The following DPYS variants were observed in gnomAD, a reference collection of about 807,000 sequenced individuals.
DPYS encodes dihydropyrimidine amidohydrolase.
A neutral mutation model predicts 50.3 loss-of-function variants in DPYS; 39 were observed. The observed-to-expected ratio is 0.78, with a 90% CI of 0.60 to 1.01. The LOEUF (loss-of-function observed/expected upper bound fraction) is 1.01, where lower values mean the gene tolerates loss of function less well. DPYS is among the 50% of genes least tolerant of loss of function. The pLI, the probability that DPYS is intolerant of heterozygous loss-of-function variation, is 0.00. For missense variants in DPYS, 659 were observed against 680.9 expected (o/e 0.97, Z 0.36); for synonymous variants, 245 against 250.7 (o/e 0.98, Z 0.22).
At position 104,444,262 on chromosome 8, in the gene DPYS, T is replaced by G. The variant is rs747270672; in HGVS notation, c.779A>C (p.Asp260Ala). 1 of 1,614,224 alleles carries G rather than the reference T, an allele frequency of 6.2e-7. No individual in the cohort carries two copies. Among genetic ancestry groups the G allele is most frequent in the Non-Finnish European group, 8.5e-7 (1 of 1,180,044 alleles). ...MSKSAAKVIA[D>A]ARRDGKVVYG... Reference sequence around the variant, plus strand: ...TCGAGAATTACCATCTCTCCTTGCATCCGCTATCACCTTAGCTGCAGACTT... The same window carrying G: ...TCGAGAATTACCATCTCTCCTTGCAGCCGCTATCACCTTAGCTGCAGACTT... The change falls in exon 4 of 10, where the codon GAT becomes GCT. Residue 260 changes from aspartate to alanine, a missense_variant. Transcript: ENST00000351513.
At chr8:104,458,896 C>T (rs929172327) in intron 1 of DPYS, among the ~76,000 whole-genome samples, 1 of 152,186 alleles carries the variant, frequency 6.6e-6, no homozygotes, top group Non-Finnish European at 1.5e-5. Flanking sequence ...TTAACAAACA[C>T]AATTTTAGTT....
intron 7 of DPYS, chr8:104,411,896 T>C (rs1301423190): frequency 1.3e-5 from 2 of 152,006 alleles, no homozygotes; most frequent in East Asian, 3.9e-4. Flanking sequence ...TCAGGCAACA[T>C]AACCTCAGCA....
chr8:104,447,975 C>T (rs1813597602), intron 2 of DPYS, among the ~76,000 whole-genome samples: 1 of 152,092 alleles, frequency 6.6e-6, no homozygotes, highest in African/African-American at 2.4e-5. Flanking sequence ...CCCGGGCATG[C>T]CCAAGAAAGC....
Position 104,466,653 on chromosome 8 carries a change from G to A in DPYS, c.264+4C>T. ...GCGGGGCGGGGGCGCGGCGGGGCGG[G>A]TACCTTGGTGCCCTGGTGGAAGTCG... On this transcript the variant is annotated splice_donor_region_variant and intron_variant, in intron 1 of 9. Coordinates refer to ENST00000351513, the MANE Select transcript of DPYS (RefSeq NM_001385.3). 6.6e-7 allele frequency: 1 copy of A among 1,512,520 alleles called. No individual in the cohort carries two copies. The highest frequency in any genetic ancestry group is 8.8e-7 in the Non-Finnish European group (1 of 1,132,504). 93.7% of individuals were successfully genotyped at this position (1,512,520 alleles called of 1,614,324 possible). A position where few individuals can be genotyped will look rare whatever the true frequency, so the allele number is the denominator to read the frequency against.
At chr8:104,456,159 T>C (rs1813916801) in intron 1 of DPYS, among the ~76,000 whole-genome samples, 2 of 152,192 alleles carry the variant, frequency 1.3e-5, no homozygotes, top group African/African-American at 4.8e-5. Context: ...GGCCATAGCA[T>C]ATAGCCTAGG....
chr8:104,406,382 C>T (rs572372559), intron 7 of DPYS, among the ~76,000 whole-genome samples: 1 of 152,270 alleles, frequency 6.6e-6, no homozygotes. Context: ...GACGCAGCAG[C>T]CATTTTGCAC....
At chr8:104,423,146 A>T (rs1369254270) in intron 7 of DPYS, among the ~76,000 whole-genome samples, 7 of 152,210 alleles carry the variant, frequency 4.6e-5, no homozygotes, top group Admixed American at 4.6e-4. Context: ...TGTGAGTAAG[A>T]TGTGTATACC....
intron 8 of DPYS, among the ~76,000 whole-genome samples, chr8:104,385,514 C>T (rs562028738): frequency 1.7e-3 from 263 of 152,262 alleles, no homozygotes; most frequent in Non-Finnish European, 2.9e-3. Flanking sequence ...GATGATCACA[C>T]CTTGACAGCA....
chr8:104,431,439 T>C (rs1032805976), intron 4 of DPYS, among the ~76,000 whole-genome samples: 4 of 151,118 alleles, frequency 2.6e-5, no homozygotes, highest in African/African-American at 7.3e-5. Flanking sequence ...CCCCATCTAG[T>C]ATCTGTTAAT....
intron 1 of DPYS, among the ~76,000 whole-genome samples, chr8:104,463,510 C>T (rs1366559372): frequency 1.3e-5 from 2 of 152,126 alleles, no homozygotes; most frequent in Non-Finnish European, 2.9e-5. Flanking sequence ...ACAGCTTTAG[C>T]GACGGGGTCA....
At chr8:104,458,670 T>C (rs1292161773) in intron 1 of DPYS, among the ~76,000 whole-genome samples, 1 of 152,190 alleles carries the variant, frequency 6.6e-6, no homozygotes, top group Non-Finnish European at 1.5e-5. Flanking sequence ...GGAATAATTA[T>C]GATGGTTCAC....
intron 8 of DPYS, among the ~76,000 whole-genome samples, chr8:104,383,070 C>G (rs913311269): frequency 6.6e-6 from 1 of 152,202 alleles, no homozygotes; most frequent in Non-Finnish European, 1.5e-5. Context: ...CACACAGGGC[C>G]TGTCCTCCTC....
At chr8:104,430,219 A>G (rs1812906081) in intron 4 of DPYS, among the ~76,000 whole-genome samples, 1 of 152,184 alleles carries the variant, frequency 6.6e-6, no homozygotes, top group African/African-American at 2.4e-5. Context: ...ACCACAGCAT[A>G]TCTCTGCTGC....
chr8:104,457,984 C>T (rs1390036655), intron 1 of DPYS, among the ~76,000 whole-genome samples: 1 of 152,170 alleles, frequency 6.6e-6, no homozygotes, highest in Non-Finnish European at 1.5e-5. Flanking sequence ...TTCACCTCTA[C>T]TGCCCGGTGC....
intron 7 of DPYS, among the ~76,000 whole-genome samples, chr8:104,402,653 A>G (rs143973323): frequency 8.5e-5 from 13 of 152,310 alleles, no homozygotes; most frequent in African/African-American, 3.1e-4. Context: ...AGTTTCCTAT[A>G]TAGAAATACA....
chr8:104,413,920 G>A (rs1345038452), intron 7 of DPYS, among the ~76,000 whole-genome samples: 1 of 152,180 alleles, frequency 6.6e-6, no homozygotes, highest in Non-Finnish European at 1.5e-5. Context: ...GAGGTCAGGT[G>A]ATTGGGATTT....
intron 8 of DPYS, among the ~76,000 whole-genome samples, chr8:104,391,411 A>C (rs73699421): frequency 0.062 from 9,460 of 152,124 alleles, 350 homozygotes; most frequent in African/African-American, 0.09. Context: ...TCTGGGTGAA[A>C]ACCAGAAATA....
At chr8:104,433,096 G>A (rs972906266) in intron 4 of DPYS, among the ~76,000 whole-genome samples, 1 of 152,178 alleles carries the variant, frequency 6.6e-6, no homozygotes, top group Non-Finnish European at 1.5e-5. Context: ...CCATCTATAA[G>A]CCAAGAAGAA....
intron 7 of DPYS, among the ~76,000 whole-genome samples, chr8:104,396,423 AAAT>A (rs1435602110): frequency 2.0e-5 from 3 of 152,226 alleles, no homozygotes; most frequent in Admixed American, 6.5e-5. Context: ...CTAACAGAAG[AAAT>A]AATCTTTATA....
Sources: gnomAD v4.1 joint callset for allele counts (sites outside exome capture counted in the v4.1 genomes callset) on GRCh38, gnomAD v4.1.1 for gene constraint, MANE v1.5 for transcripts, NCBI Gene and HGNC (gene_info 2026-07-23, HGNC 2026-07-21) for gene names.